MLF1: variants seen among roughly 807,000 people sequenced by gnomAD.
The protein encoded by MLF1 is myeloid leukemia factor 1.
A neutral mutation model predicts 38.3 loss-of-function variants in MLF1; 37 were observed. The observed-to-expected ratio is 0.96, with a 90% confidence interval of 0.74 to 1.27. The LOEUF is 1.27. Ranked by LOEUF, MLF1 falls within the 50% of genes most tolerant of loss-of-function variation. The probability of loss-of-function intolerance (pLI) is 0.00; values close to 1 mark genes in which losing one functional copy is unlikely to be tolerated. For missense variants in MLF1, 331 were observed against 349.2 expected, an observed-to-expected ratio of 0.95 and a Z score of 0.42; for synonymous variants, 95 against 106.5, an observed-to-expected ratio of 0.89 and a Z score of 0.66.
chr3:158,594,104 A>G (rs987672399), intron 3 of MLF1, among the ~76,000 whole-genome samples: 13 of 152,180 alleles, frequency 8.5e-5, no homozygotes, highest in Non-Finnish European at 2.9e-5. Context: ...GCATACAGGT[A>G]TAACATTTAT....
At position 158,575,133 on chromosome 3, in the gene MLF1, GA is replaced by G. The variant is rs765910571; in HGVS notation, c.47+3790del. On this transcript the variant is annotated intron_variant, in intron 1 of 7. Transcript: ENST00000466246. ...AGAACTCTTCCTCTGTGCTTAGGGT[GA>G]AAAGGACCATCAGTTACTCTTTCAG... Among the ~76,000 whole-genome samples, 4 of 152,132 alleles carry G rather than the reference GA, an allele frequency of 2.6e-5. No homozygotes were observed. In the East Asian group the frequency reaches 7.7e-4, roughly 29 times the overall value.
intron 5 of MLF1, among the ~76,000 whole-genome samples, 167 bp downstream of exon 5, chr3:158,598,375 G>T (rs1320275940): frequency 6.6e-6 from 1 of 151,898 alleles, no homozygotes; most frequent in Non-Finnish European, 1.5e-5. Flanking sequence ...AACCATTAAA[G>T]CTCAACTGTA....
intron 1 of MLF1, among the ~76,000 whole-genome samples, chr3:158,586,130 C>G (rs1367874179): frequency 6.6e-6 from 1 of 150,560 alleles, no homozygotes; most frequent in Non-Finnish European, 1.5e-5. Context: ...CGCCATTGCA[C>G]TCCAGCCTGG....
chr3:158,582,929 G>C (rs1031642716), intron 1 of MLF1: 4 of 676,650 alleles, frequency 5.9e-6, no homozygotes, highest in Admixed American at 2.3e-5. Context: ...AATAAGTTAA[G>C]GTAAAATAAA....
At chr3:158,584,195 GGA>G (rs1716851667) in intron 1 of MLF1, among the ~76,000 whole-genome samples, 1 of 152,156 alleles carries the variant, frequency 6.6e-6, no homozygotes, top group Non-Finnish European at 1.5e-5. Flanking sequence ...GTCCCCAAAA[GGA>G]GAGAGCCAGA....
chr3:158,572,151 G>C (rs577408673), intron 1 of MLF1, among the ~76,000 whole-genome samples: 12 of 124,048 alleles, frequency 9.7e-5, no homozygotes, highest in African/African-American at 3.5e-4. Flanking sequence ...TAGGAGGAGG[G>C]TTGAGGACGT....
Position 158,592,591 on chromosome 3 carries a change from T to A in MLF1, c.195+10T>A, listed in dbSNP as rs774842767. 2.5e-5 allele frequency: 40 copies of A among 1,580,490 alleles called. No homozygotes were observed. In the Admixed American group the frequency reaches 6.0e-4, roughly 24 times the overall value. ...TGAAGATTCTTTGACTGTAAGTTCT[T>A]TTTTTTAAGACAGTTAGTGAGAAGG... On this transcript the variant is annotated intron_variant, in intron 2 of 7. Transcript: ENST00000466246.
chr3:158,590,364 A>G (rs745869953), intron 1 of MLF1, among the ~76,000 whole-genome samples: 2 of 152,200 alleles, frequency 1.3e-5, no homozygotes, highest in Non-Finnish European at 2.9e-5. Context: ...TGGAACTCTC[A>G]GTTACAGTTT....
chr3:158,571,289 G>A lies in MLF1; in HGVS notation c.-12G>A. 1 of 1,610,104 alleles carries A rather than the reference G, an allele frequency of 6.2e-7. No individual in the cohort carries two copies. Among genetic ancestry groups the A allele is most frequent in the South Asian group, 1.1e-5 (1 of 90,930 alleles). ...TCTGTCCGCGGCTGCCGCCACCCAA[G>A]ACAGAGCCAGAATGTTCAGGATGCT... On this transcript the variant is annotated 5_prime_UTR_variant, in exon 1 of 8. Transcript: ENST00000466246.
chr3:158,593,993 A>G (rs1032933353), intron 3 of MLF1, among the ~76,000 whole-genome samples: 2 of 152,200 alleles, frequency 1.3e-5, no homozygotes, highest in Non-Finnish European at 2.9e-5. Flanking sequence ...AGTAGCAGAA[A>G]ATAACATGAA....
intron 1 of MLF1, among the ~76,000 whole-genome samples, chr3:158,582,201 G>T (rs1229665145): frequency 6.6e-6 from 1 of 151,754 alleles, no homozygotes; most frequent in Non-Finnish European, 1.5e-5. Flanking sequence ...AGAAATGAAG[G>T]ATTCCTTTTA....
At chr3:158,599,807 T>C (rs1719471995) in intron 5 of MLF1, among the ~76,000 whole-genome samples, 1 of 152,154 alleles carries the variant, frequency 6.6e-6, no homozygotes, top group South Asian at 2.1e-4. Context: ...TTGTATGGGT[T>C]CTGTTTGTTG....
intron 7 of MLF1, 68 bp from the exon 8 acceptor site, chr3:158,605,029 T>G: frequency 8.9e-7 from 1 of 1,121,180 alleles, no homozygotes; most frequent in Non-Finnish European, 1.3e-6. Context: ...TTTTAACATG[T>G]TTGTATTGAT....
chr3:158,601,702 A>G (rs1234789801), intron 6 of MLF1, among the ~76,000 whole-genome samples: 1 of 151,244 alleles, frequency 6.6e-6, no homozygotes, highest in Non-Finnish European at 1.5e-5. Flanking sequence ...GGTTGCAGTG[A>G]GCCAAGATCA....
intron 7 of MLF1, among the ~76,000 whole-genome samples, chr3:158,603,386 T>G (rs527563240): frequency 6.6e-6 from 1 of 152,336 alleles, no homozygotes; most frequent in South Asian, 2.1e-4. Context: ...TAATAGTAAA[T>G]TTCAGACACT....
chr3:158,597,521 C>T (rs1719063018), intron 4 of MLF1, among the ~76,000 whole-genome samples: 1 of 152,046 alleles, frequency 6.6e-6, no homozygotes, highest in South Asian at 2.1e-4. Flanking sequence ...AAACCAGTCA[C>T]TTGATTTGAT....
chr3:158,598,600 C>T (rs1719258546), intron 5 of MLF1, among the ~76,000 whole-genome samples: 2 of 152,100 alleles, frequency 1.3e-5, no homozygotes, highest in Non-Finnish European at 2.9e-5. Flanking sequence ...TTCAAGTGTA[C>T]AGAAAGGATA....
intron 1 of MLF1, among the ~76,000 whole-genome samples, chr3:158,581,758 AC>A (rs1716402011): frequency 6.6e-6 from 1 of 152,268 alleles, no homozygotes; most frequent in South Asian, 2.1e-4. Flanking sequence ...GAATTATCAG[AC>A]CAGGAATTTT....
At chr3:158,588,487 G>C (rs1005117934) in intron 1 of MLF1, among the ~76,000 whole-genome samples, 1 of 151,812 alleles carries the variant, frequency 6.6e-6, no homozygotes, top group Non-Finnish European at 1.5e-5. Context: ...TGTAGTCCCA[G>C]CTACTCGGGG....
Sources: allele counts gnomAD v4.1 joint callset (sites outside exome capture counted in the v4.1 genomes callset), GRCh38; gene constraint gnomAD v4.1.1; transcripts MANE v1.5; gene names NCBI Gene and HGNC (gene_info 2026-07-23, HGNC 2026-07-21).